Variants in SLCO1B1 observed in about 807,000 individuals in gnomAD.
The protein encoded by SLCO1B1 is solute carrier organic anion transporter family member 1B1, also known as OATP-2.
A neutral mutation model predicts 70.1 loss-of-function variants in SLCO1B1; 81 were observed. The ratio of observed to expected loss-of-function variants is 1.16; its 90% CI spans 0.97 to 1.39. The LOEUF (loss-of-function observed/expected upper bound fraction) is 1.39. SLCO1B1 is among the 40% of genes most tolerant of loss of function. The pLI, the probability that SLCO1B1 is intolerant of heterozygous loss-of-function variation, is 0.00. For missense variants in SLCO1B1, 895 were observed against 799.6 expected (o/e 1.12, Z -1.44); for synonymous variants, 283 against 271.5 (o/e 1.04, Z -0.42).
At chr12:21,200,156 A>G (rs961406164) in intron 8 of SLCO1B1, among the ~76,000 whole-genome samples, 4 of 152,194 alleles carry the variant, frequency 2.6e-5, no homozygotes, top group Non-Finnish European at 5.9e-5. Context: ...TTGAAAACCT[A>G]ACATTTGCTG....
At chr12:21,160,523 C>G (rs1309186475) in intron 2 of SLCO1B1, among the ~76,000 whole-genome samples, 1 of 151,392 alleles carries the variant, frequency 6.6e-6, no homozygotes, top group African/African-American at 2.4e-5. Flanking sequence ...TCCAGGCAGA[C>G]TAAAGACTTA....
Position 21,222,313 on chromosome 12 carries a change from G to C in SLCO1B1, c.1696G>C (p.Glu566Gln). 8.0e-7 allele frequency: 1 copy of C among 1,256,816 alleles called. No homozygotes were observed. The highest frequency in any genetic ancestry group is 1.8e-5 in the African/African-American group (1 of 56,722). The allele number at this position is 1,256,816 out of a possible 1,614,324, so 77.9% of individuals were successfully genotyped here. The change falls in exon 13 of 15, where the codon GAA becomes CAA. Residue 566 changes from glutamate to glutamine, a missense_variant. Coordinates refer to ENST00000256958, the MANE Select transcript of SLCO1B1 (RefSeq NM_006446.5). Reference sequence around the variant, plus strand: ...GTCTTGTTTCAGAATTGTTCAACCTGAATTGAAATCACTTGCACTGGGTTT... The same window carrying C: ...GTCTTGTTTCAGAATTGTTCAACCTCAATTGAAATCACTTGCACTGGGTTT... ...VMLIVKIVQP[E>Q]LKSLALGFHS...
At chr12:21,134,935 A>G (rs1940196751) in intron 1 of SLCO1B1, among the ~76,000 whole-genome samples, 1 of 151,986 alleles carries the variant, frequency 6.6e-6, no homozygotes, top group Admixed American at 6.6e-5. Flanking sequence ...TGGGGTGTCA[A>G]TTTTGGATCT....
intron 2 of SLCO1B1, among the ~76,000 whole-genome samples, chr12:21,167,708 A>T (rs1250545760): frequency 6.6e-6 from 1 of 152,026 alleles, no homozygotes; most frequent in East Asian, 1.9e-4. Flanking sequence ...CATTGCTGAA[A>T]CTTTGTATCC....
At chr12:21,145,636 T>A (rs1279107354) in intron 2 of SLCO1B1, among the ~76,000 whole-genome samples, 4 of 151,912 alleles carry the variant, frequency 2.6e-5, no homozygotes, top group Admixed American at 2.6e-4. Flanking sequence ...CTTTTTAAAG[T>A]GACTACATTA....
At chr12:21,185,262 C>T (rs1367115441) in intron 7 of SLCO1B1, among the ~76,000 whole-genome samples, 5 of 151,970 alleles carry the variant, frequency 3.3e-5, no homozygotes, top group Non-Finnish European at 7.4e-5. Flanking sequence ...CAACTGGATC[C>T]AAAAACATCC....
At chr12:21,223,674 T>C (rs1265913878) in intron 13 of SLCO1B1, among the ~76,000 whole-genome samples, 1 of 152,124 alleles carries the variant, frequency 6.6e-6, no homozygotes, top group Non-Finnish European at 1.5e-5. Flanking sequence ...ATTAGTAAAA[T>C]TGTGATATAT....
chr12:21,153,549 T>C (rs973070731), intron 2 of SLCO1B1, among the ~76,000 whole-genome samples: 2 of 152,110 alleles, frequency 1.3e-5, no homozygotes, highest in Non-Finnish European at 2.9e-5. Flanking sequence ...AAAATGCATA[T>C]TCCATATTCT....
At position 21,205,980 on chromosome 12, in the gene SLCO1B1, A is replaced by G. The variant is rs769428117; in HGVS notation, c.1444A>G (p.Ile482Val). ...CTGTGGAAACAATGGAATAACTTACATCTCACCCTGTCTAGCAGGTTGCAA... is the reference window on the plus strand; with the variant it reads ...CTGTGGAAACAATGGAATAACTTACGTCTCACCCTGTCTAGCAGGTTGCAA... ...PVCGNNGITY[I>V]SPCLAGCKSS... is the part of the protein sequence containing the mutation. The change falls in exon 11 of 15, where the codon ATC becomes GTC. Residue 482 changes from isoleucine (I) to valine (V), a missense_variant. Coordinates refer to ENST00000256958, the MANE Select transcript of SLCO1B1 (RefSeq NM_006446.5). 2.5e-5 allele frequency: 40 copies of G among 1,612,272 alleles called. 3 individuals are homozygous for G. The South Asian group carries it at 4.4e-4, about 18-fold the overall frequency.
Position 21,222,361 on chromosome 12 carries a change from C to A in SLCO1B1, c.1744C>A (p.Leu582Ile). Residue 582 changes from leucine to isoleucine, a missense_variant, in exon 13 of 15, where the codon CTA (leucine) becomes ATA (isoleucine). Physicochemically the swap from Leu to Ile is conservative, Grantham distance 5. Transcript: ENST00000256958. ...TTTCCACTCAATGGTTATACGAGCACTAGGTATGATGAAAAAAAAAAAAAA... is the reference window on the plus strand; with the variant it reads ...TTTCCACTCAATGGTTATACGAGCAATAGGTATGATGAAAAAAAAAAAAAA... The part of the protein sequence containing the change: ...LGFHSMVIRA[L>I]GGILAPIYFG... 2 of 342,370 alleles carry A rather than the reference C, an allele frequency of 5.8e-6. No homozygotes were observed. Among genetic ancestry groups the A allele is most frequent in the Non-Finnish European group, 9.4e-6 (2 of 212,964 alleles). 21.2% of individuals were successfully genotyped at this position (342,370 alleles called of 1,614,324 possible).
intron 14 of SLCO1B1, among the ~76,000 whole-genome samples, chr12:21,233,571 C>CAAACA (rs1555098691): frequency 5.1e-4 from 70 of 137,618 alleles, no homozygotes; most frequent in Non-Finnish European, 1.0e-3. Flanking sequence ...AACAAACAAA[C>CAAACA]AAAAAAAAAA....
rs2291073 is a variant in SLCO1B1 at position 21,172,880 on chromosome 12, T to G, written c.226+89T>G. On this transcript the variant is annotated intron_variant, in intron 3 of 14. Transcript: ENST00000256958. Reference sequence around the variant, plus strand: ...CCACTGGTTATCAACTGGGGTAAATTTATCTCTCACAGGCAATTTGGCAAT... The same window carrying G: ...CCACTGGTTATCAACTGGGGTAAATGTATCTCTCACAGGCAATTTGGCAAT... 146,556 of 1,257,954 alleles carry G rather than the reference T, an allele frequency of 0.12. 16,574 individuals are homozygous for G. Among genetic ancestry groups the G allele is most frequent in the African/African-American group, 0.54 (35,942 of 67,130 alleles). 77.9% of individuals were successfully genotyped at this position (1,257,954 alleles called of 1,614,324 possible). A position where few individuals can be genotyped will look rare whatever the true frequency, so the allele number is the denominator to read the frequency against.
intron 12 of SLCO1B1, among the ~76,000 whole-genome samples, chr12:21,220,628 A>C (rs1458214275): frequency 6.6e-6 from 1 of 152,138 alleles, no homozygotes; most frequent in African/African-American, 2.4e-5. Context: ...AAAACTGAGG[A>C]GGTTTCATGA....
intron 14 of SLCO1B1, among the ~76,000 whole-genome samples, chr12:21,237,211 G>A (rs57130116): frequency 0.4 from 59,997 of 151,724 alleles, 12,598 homozygotes; most frequent in East Asian, 0.74. Flanking sequence ...CTTTCTTTAT[G>A]TATATCAAGT....
At chr12:21,134,556 T>A (rs1940189949) in intron 1 of SLCO1B1, among the ~76,000 whole-genome samples, 1 of 152,192 alleles carries the variant, frequency 6.6e-6, no homozygotes, top group Non-Finnish European at 1.5e-5. Context: ...CCTGGTTTAG[T>A]CTTGGGAGGA....
chr12:21,186,577 T>C (rs964272560), intron 7 of SLCO1B1, among the ~76,000 whole-genome samples: 1 of 152,014 alleles, frequency 6.6e-6, no homozygotes, highest in Non-Finnish European at 1.5e-5. Context: ...CAAGAAAAAG[T>C]TGTATTGCTT....
intron 2 of SLCO1B1, among the ~76,000 whole-genome samples, chr12:21,167,406 A>G (rs1940699459): frequency 6.6e-6 from 1 of 152,216 alleles, no homozygotes; most frequent in Admixed American, 6.5e-5. Flanking sequence ...TTAGTGGATA[A>G]GAGCATGGTG....
intron 7 of SLCO1B1, 127 bp downstream of exon 7, chr12:21,179,147 G>T: frequency 1.5e-6 from 1 of 675,450 alleles, no homozygotes; most frequent in Non-Finnish European, 2.7e-6. Flanking sequence ...AAAGTTACAA[G>T]TAGGAAATAA....
At chr12:21,233,008 C>T (rs1941557546) in intron 14 of SLCO1B1, among the ~76,000 whole-genome samples, 1 of 152,144 alleles carries the variant, frequency 6.6e-6, no homozygotes, top group African/African-American at 2.4e-5. Context: ...GCATGAGGAA[C>T]CAAATTAACA....
Sources: allele counts gnomAD v4.1 joint callset (sites outside exome capture counted in the v4.1 genomes callset), GRCh38; gene constraint gnomAD v4.1.1; transcripts MANE v1.5; gene names NCBI Gene and HGNC (gene_info 2026-07-23, HGNC 2026-07-21).